LCP1: variants seen among roughly 807,000 people sequenced by gnomAD.
LCP1 encodes lymphocyte cytosolic protein 1, also known as plastin-2.
Under a neutral mutation model 72.0 loss-of-function variants are expected in LCP1, and 23 were observed. The ratio of observed to expected loss-of-function variants is 0.32; its 90% CI spans 0.23 to 0.45. LCP1 has a LOEUF of 0.45. Among genes scored for constraint, LCP1 ranks in the 20% least tolerant of loss-of-function variants. The pLI is 1.00. For synonymous variants in LCP1, 245 were observed against 275.4 expected (o/e 0.89, Z 1.09); for missense variants, 571 against 748.3 (o/e 0.76, Z 2.76).
intron 1 of LCP1, among the ~76,000 whole-genome samples, chr13:46,162,658 A>G (rs997692321): frequency 2.0e-5 from 3 of 151,204 alleles, no homozygotes; most frequent in Non-Finnish European, 4.4e-5. Context: ...TACAACCTCC[A>G]CCTCCCAGCC....
chr13:46,171,527 TC>T (rs947315158), intron 1 of LCP1, among the ~76,000 whole-genome samples: 1 of 152,102 alleles, frequency 6.6e-6, no homozygotes, highest in South Asian at 2.1e-4. Flanking sequence ...TCTGCCTGTG[TC>T]CCCCCTGCCA....
In LCP1 at chr13:46,133,840, A is replaced by T. The variant is rs369809923; in HGVS notation, c.1626+287T>A. On this transcript the variant is annotated intron_variant, in intron 14 of 15. Coordinates refer to ENST00000323076, the MANE Select transcript of LCP1 (RefSeq NM_002298.5). Reference sequence around the variant, plus strand: ...GTACCCCAAACCTCAGCATCACTCAATATACCCATGTAACAAATCTGCACA... The same window carrying T: ...GTACCCCAAACCTCAGCATCACTCATTATACCCATGTAACAAATCTGCACA... Among the ~76,000 whole-genome samples the T allele has an allele frequency of 9.9e-5, 15 of 152,222 alleles. No individual in the cohort carries two copies. The East Asian group carries it at 2.9e-3, about 29-fold the overall frequency.
At chr13:46,138,017 G>GA (rs2045674906) in intron 13 of LCP1, among the ~76,000 whole-genome samples, 1 of 152,204 alleles carries the variant, frequency 6.6e-6, no homozygotes, top group East Asian at 1.9e-4. Flanking sequence ...TTGACCTGGG[G>GA]AGAGTTTCCT....
chr13:46,146,873 C>T lies in LCP1; in HGVS notation c.1174+35G>A, dbSNP rs776698544. 9 of 1,603,054 alleles carry T rather than the reference C, an allele frequency of 5.6e-6. No individual in the cohort carries two copies. In the African/African-American group the frequency reaches 9.4e-5, roughly 17 times the overall value. On this transcript the variant is annotated intron_variant, in intron 10 of 15. Transcript: ENST00000323076. ...TGCCATTGAATTAGAATTGTGAGTG[C>T]CTTTCCCCATCTTAGGCAAATCGTT...
At chr13:46,134,343 A>G in intron 13 of LCP1, 93 bp from the exon 14 acceptor site, 2 of 1,182,754 alleles carry the variant, frequency 1.7e-6, no homozygotes, top group Non-Finnish European at 2.4e-6. Flanking sequence ...TTTTTCGGGT[A>G]TGTCATAGAA....
At chr13:46,173,825 C>T (rs1489017048) in intron 1 of LCP1, among the ~76,000 whole-genome samples, 1 of 152,166 alleles carries the variant, frequency 6.6e-6, no homozygotes, top group African/African-American at 2.4e-5. Flanking sequence ...TGAGTACTGA[C>T]AGTGGAAAGT....
intron 5 of LCP1, 110 bp from the exon 6 acceptor site, chr13:46,154,996 T>TCTGTGATGTTTAGATATAAAATCAGTTA: frequency 1.2e-6 from 1 of 802,858 alleles, no homozygotes; most frequent in Non-Finnish European, 2.1e-6. Context: ...AGCAACAGAA[T>TCTGTGATGTTTAGATATAAAATCAGTTA]CTGTGATGTT....
rs1272855782 is a variant in LCP1, at chr13:46,143,387, A to G, written c.1271T>C (p.Leu424Pro). 3 of 1,612,758 alleles carry G rather than the reference A, an allele frequency of 1.9e-6. No individual in the cohort carries two copies. Among genetic ancestry groups the G allele is most frequent in the East Asian group, 2.2e-5 (1 of 44,870 alleles). Residue 424 changes from leucine (L) to proline (P), a missense_variant, in exon 12 of 16, where the codon CTG becomes CCG. Leu to Pro is a moderately conservative substitution (Grantham distance 98). Coordinates refer to ENST00000323076, the MANE Select transcript of LCP1 (RefSeq NM_002298.5). ...CTTTTCATAGAGCTGGAAGATGACC[A>G]GGGCATCTGATAAGTCACTGAACAA... ...NHLYSDLSDA[L>P]VIFQLYEKIK...
chr13:46,178,951 G>A (rs1249191707), intron 1 of LCP1, among the ~76,000 whole-genome samples: 1 of 152,168 alleles, frequency 6.6e-6, no homozygotes, highest in African/African-American at 2.4e-5. Context: ...AGAAGGGCCT[G>A]TACTCTTTAG....
At chr13:46,175,224 GT>G (rs2045923420) in intron 1 of LCP1, among the ~76,000 whole-genome samples, 2 of 152,334 alleles carry the variant, frequency 1.3e-5, no homozygotes, top group South Asian at 4.1e-4. Context: ...TAGGGGCTCA[GT>G]AAGTCAGTGG....
chr13:46,130,767 A>G, intron 15 of LCP1, 47 bp downstream of exon 15: 1 of 1,609,346 alleles, frequency 6.2e-7, no homozygotes, highest in Non-Finnish European at 8.5e-7. Context: ...TCCAGCTGCC[A>G]GTTGGGTCCT....
Position 46,146,966 on chromosome 13 carries a change from G to C in LCP1, c.1116C>G (p.Asn372Lys). 6.2e-7 allele frequency: 1 copy of C among 1,614,106 alleles called. No homozygotes were observed. Among genetic ancestry groups the C allele is most frequent in the Non-Finnish European group, 8.5e-7 (1 of 1,180,000 alleles). Residue 372 changes from asparagine (N) to lysine (K), a missense_variant, in exon 10 of 16, where the codon AAC becomes AAG. By Grantham distance (94) the Asn-to-Lys change is moderately conservative (BLOSUM62 0). Transcript: ENST00000323076. The stretch of plus-strand genomic sequence containing the variant: ...CTGGTTTGTGCAGGGCAGGGTATCT[G>C]TTAAAGAGGTTGGCAATAAAAGCCA... ...LNLAFIANLFNRYPALHKPEN... is the reference protein window; with the variant it reads ...LNLAFIANLFKRYPALHKPEN...
intron 1 of LCP1, among the ~76,000 whole-genome samples, chr13:46,165,463 A>T (rs1045035259): frequency 6.6e-6 from 1 of 152,198 alleles, no homozygotes; most frequent in African/African-American, 2.4e-5. Context: ...TTAATAAGTA[A>T]TATAAGTAAG....
intron 8 of LCP1, among the ~76,000 whole-genome samples, chr13:46,149,792 T>C (rs571832107): frequency 6.6e-6 from 1 of 152,224 alleles, no homozygotes; most frequent in Admixed American, 6.5e-5. Context: ...AATTTACAGC[T>C]GAGATCTGAC....
chr13:46,142,202 C>A, intron 13 of LCP1, 90 bp downstream of exon 13: 2 of 1,287,670 alleles, frequency 1.6e-6, no homozygotes, highest in Non-Finnish European at 1.1e-6. Context: ...CATACTTTTA[C>A]TGAATTAACT....
intron 1 of LCP1, among the ~76,000 whole-genome samples, chr13:46,174,623 C>T (rs146574586): frequency 1.5e-3 from 225 of 152,138 alleles, no homozygotes; most frequent in African/African-American, 1.4e-3. Flanking sequence ...GTAGGGGGAT[C>T]GCCTGAGGTC....
chr13:46,169,464 A>C (rs972193918), intron 1 of LCP1: 5 of 152,270 alleles, frequency 3.3e-5, no homozygotes, highest in Non-Finnish European at 7.3e-5. Flanking sequence ...TTAAAGAGAC[A>C]GATCTCACTA....
chr13:46,144,554 C>G, intron 10 of LCP1, 34 bp from the exon 11 acceptor site: 1 of 1,502,280 alleles, frequency 6.7e-7, no homozygotes, highest in South Asian at 1.1e-5. Flanking sequence ...CTTTTGGGAC[C>G]GAAGAAAACA....
At chr13:46,148,312 A>T (rs542856552) in intron 9 of LCP1, 40 bp downstream of exon 9, 1 of 1,394,958 alleles carries the variant, frequency 7.2e-7, no homozygotes, top group Admixed American at 1.7e-5. Flanking sequence ...ACATGAAAAT[A>T]GCATCATATT....
Sources: gnomAD v4.1 joint callset for allele counts (sites outside exome capture counted in the v4.1 genomes callset) on GRCh38, gnomAD v4.1.1 for gene constraint, MANE v1.5 for transcripts, NCBI Gene and HGNC (gene_info 2026-07-23, HGNC 2026-07-21) for gene names.